DIPK1A: variants seen among roughly 807,000 people sequenced by gnomAD.
The protein encoded by DIPK1A is family with sequence similarity 69 member A.
In DIPK1A, 27 loss-of-function variants were observed where a neutral mutation model predicts 40.8. The ratio of observed to expected loss-of-function variants is 0.66; its 90% CI spans 0.49 to 0.91. DIPK1A has a LOEUF of 0.91. DIPK1A is among the 40% of genes least tolerant of loss of function. The pLI is 0.00. For synonymous variants in DIPK1A, 166 were observed against 171.3 expected (o/e 0.97, Z 0.24); for missense variants, 412 against 505.7 (o/e 0.81, Z 1.78).
chr1:92,934,001 C>T (rs1650855677), intron 1 of DIPK1A: 1 of 151,966 alleles, frequency 6.6e-6, no homozygotes, highest in Non-Finnish European at 1.5e-5. Flanking sequence ...AGGCCAACAG[C>T]AGTGAAGATA....
At chr1:92,868,900 A>C (rs1647694339) in intron 2 of DIPK1A, among the ~76,000 whole-genome samples, 1 of 146,112 alleles carries the variant, frequency 6.8e-6, no homozygotes, top group South Asian at 2.3e-4. Context: ...TGGGAGGTGG[A>C]GGTTGTGGTG....
chr1:92,906,290 A>C (rs1649620108), intron 1 of DIPK1A, among the ~76,000 whole-genome samples: 1 of 152,198 alleles, frequency 6.6e-6, no homozygotes, highest in South Asian at 2.1e-4. Flanking sequence ...TCTGCAAAGA[A>C]ATATTAAATC....
chr1:92,890,137 A>C (rs183753233), intron 1 of DIPK1A, among the ~76,000 whole-genome samples: 42 of 152,276 alleles, frequency 2.8e-4, no homozygotes, highest in African/African-American at 9.6e-4. Flanking sequence ...GATATATAGA[A>C]ATACTACTGA....
intron 1 of DIPK1A, among the ~76,000 whole-genome samples, chr1:92,907,739 G>C (rs1649679852): frequency 6.6e-6 from 1 of 152,116 alleles, no homozygotes; most frequent in South Asian, 2.1e-4. Context: ...ACCATGCGCA[G>C]CCTGTTCTGT....
intron 1 of DIPK1A, among the ~76,000 whole-genome samples, chr1:92,945,462 C>A (rs1398144151): frequency 6.6e-6 from 1 of 152,044 alleles, no homozygotes; most frequent in African/African-American, 2.4e-5. Context: ...CTGGCCCCAG[C>A]AAGAAGAAAA....
chr1:92,861,485 C>T (rs918024881), intron 2 of DIPK1A, among the ~76,000 whole-genome samples: 1 of 151,916 alleles, frequency 6.6e-6, no homozygotes, highest in Admixed American at 6.6e-5. Flanking sequence ...AACAACCAGG[C>T]ATGGCCAAAT....
intron 1 of DIPK1A, among the ~76,000 whole-genome samples, chr1:92,923,274 G>A (rs1405319961): frequency 6.6e-6 from 1 of 152,186 alleles, no homozygotes; most frequent in South Asian, 2.1e-4. Flanking sequence ...GAGTAGCTGG[G>A]ACTATAGGCG....
chr1:92,955,335 T>A (rs530538321), intron 1 of DIPK1A, among the ~76,000 whole-genome samples: 18 of 152,294 alleles, frequency 1.2e-4, no homozygotes, highest in African/African-American at 3.6e-4. Flanking sequence ...AACTATGGAC[T>A]TTGGGTGATA....
At chr1:92,956,269 A>C (rs1320307903) in intron 1 of DIPK1A, among the ~76,000 whole-genome samples, 2 of 152,202 alleles carry the variant, frequency 1.3e-5, no homozygotes, top group African/African-American at 2.4e-5. Flanking sequence ...TTTGAAAGAA[A>C]TGTGGTAAGG....
At chr1:92,854,575 G>A (rs531008801) in intron 2 of DIPK1A, among the ~76,000 whole-genome samples, 1 of 152,338 alleles carries the variant, frequency 6.6e-6, no homozygotes, top group African/African-American at 2.4e-5. Context: ...CAACACCAAG[G>A]CACTGTTGCC....
In DIPK1A at chr1:92,842,173, TTCCA is replaced by T. The variant is rs766218375; in HGVS notation, c.*1206_*1209del. 62 of 1,029,830 alleles carry T rather than the reference TTCCA, an allele frequency of 6.0e-5. No individual in the cohort carries two copies. Among genetic ancestry groups the T allele is most frequent in the Non-Finnish European group, 6.9e-5 (59 of 856,396 alleles). The allele number at this position is 1,029,830 out of a possible 1,614,324, so 63.8% of individuals were successfully genotyped here. A position where few individuals can be genotyped will look rare whatever the true frequency, so the allele number is the denominator to read the frequency against. ...ACCAACCATCAGTGGGAAATATTTC[TTCCA>T]TCCATTTATTATAACCAGATGATGA... On this transcript the variant is annotated 3_prime_UTR_variant, in exon 5 of 5. Coordinates refer to ENST00000370310, the MANE Select transcript of DIPK1A (RefSeq NM_001006605.5).
At chr1:92,950,308 T>C (rs1046533292) in intron 1 of DIPK1A, among the ~76,000 whole-genome samples, 3 of 152,120 alleles carry the variant, frequency 2.0e-5, no homozygotes, top group Non-Finnish European at 2.9e-5. Flanking sequence ...TTTTTCAGGA[T>C]TGATAGAGCA....
At chr1:92,839,874 T>A (rs774285528), downstream of DIPK1A, among the ~76,000 whole-genome samples, 1 of 152,044 alleles carries the variant, frequency 6.6e-6, no homozygotes, top group Non-Finnish European at 1.5e-5. Flanking sequence ...AGGATCTTGT[T>A]CTGTTTCCTG....
intron 1 of DIPK1A, among the ~76,000 whole-genome samples, chr1:92,945,004 A>G (rs1440890062): frequency 6.6e-6 from 1 of 152,138 alleles, no homozygotes; most frequent in Non-Finnish European, 1.5e-5. Context: ...AAAGAAGAAG[A>G]TGGCACAGAT....
At chr1:92,951,236 G>A (rs1397450217) in intron 1 of DIPK1A, among the ~76,000 whole-genome samples, 1 of 152,166 alleles carries the variant, frequency 6.6e-6, no homozygotes, top group African/African-American at 2.4e-5. Context: ...TGAAACAAAG[G>A]ACTCCACCCA....
At chr1:92,888,962 C>T (rs543232441) in intron 1 of DIPK1A, among the ~76,000 whole-genome samples, 24 of 152,210 alleles carry the variant, frequency 1.6e-4, no homozygotes, top group South Asian at 8.3e-4. Flanking sequence ...TCATTCTGCA[C>T]GTTGTCTCTT....
intron 4 of DIPK1A, among the ~76,000 whole-genome samples, chr1:92,846,857 A>G (rs55912805): frequency 1.8e-3 from 11 of 6,030 alleles, no homozygotes; most frequent in Non-Finnish European, 2.3e-3. Flanking sequence ...GTATATATAT[A>G]TGTGTGTATA....
intron 1 of DIPK1A, among the ~76,000 whole-genome samples, chr1:92,906,265 G>T (rs571610644): frequency 6.6e-6 from 1 of 152,112 alleles, no homozygotes; most frequent in Admixed American, 6.6e-5. Context: ...TTAATATATG[G>T]ATAATAGGGC....
intron 3 of DIPK1A, among the ~76,000 whole-genome samples, chr1:92,848,020 A>G (rs940285515): frequency 1.3e-5 from 2 of 152,140 alleles, no homozygotes; most frequent in African/African-American, 4.8e-5. Context: ...TGTAGGTATG[A>G]GGCACCACAC....
Sources: gnomAD v4.1 joint callset for allele counts (sites outside exome capture counted in the v4.1 genomes callset) on GRCh38, gnomAD v4.1.1 for gene constraint, MANE v1.5 for transcripts, NCBI Gene and HGNC (gene_info 2026-07-23, HGNC 2026-07-21) for gene names.